The following MARK1 variants were observed in gnomAD, a reference collection of about 807,000 sequenced individuals.
MARK1 encodes microtubule affinity regulating kinase 1, also known as serine/threonine-protein kinase MARK1.
Under a neutral mutation model 96.3 loss-of-function variants are expected in MARK1, and 40 were observed. The ratio of observed to expected loss-of-function variants is 0.42; its 90% CI spans 0.32 to 0.54. The LOEUF is 0.54. Ranked by LOEUF, MARK1 falls within the 20% of genes least tolerant of loss-of-function variation. MARK1 has a pLI of 0.16. For synonymous variants in MARK1, 317 were observed against 341.2 expected, an observed-to-expected ratio of 0.93 and a Z score of 0.78; for missense variants, 719 against 984.6, an observed-to-expected ratio of 0.73 and a Z score of 3.61.
chr1:220,546,826 G>C (rs1334997106), intron 1 of MARK1, among the ~76,000 whole-genome samples: 1 of 152,068 alleles, frequency 6.6e-6, no homozygotes, highest in East Asian at 1.9e-4. Flanking sequence ...CAAAAAATTA[G>C]CTGGGCATGG....
chr1:220,593,603 C>T (rs948023190), intron 3 of MARK1, among the ~76,000 whole-genome samples: 6 of 152,176 alleles, frequency 3.9e-5, no homozygotes, highest in African/African-American at 1.4e-4. Flanking sequence ...AGCCCCACCC[C>T]TACTGTCAGC....
At chr1:220,550,358 C>T (rs1304486034) in intron 1 of MARK1, among the ~76,000 whole-genome samples, 1 of 151,330 alleles carries the variant, frequency 6.6e-6, no homozygotes, top group African/African-American at 2.4e-5. Context: ...AGGAGAAGCT[C>T]TTTTTTTTTC....
chr1:220,649,866 A>G (rs1393302216), intron 13 of MARK1, among the ~76,000 whole-genome samples: 1 of 152,234 alleles, frequency 6.6e-6, no homozygotes, highest in East Asian at 1.9e-4. Flanking sequence ...TATTATATCC[A>G]CATTGAAAAT....
At chr1:220,635,310 AGT>A (rs892830237) in intron 11 of MARK1, 64 bp from the exon 12 acceptor site, 30 of 1,396,616 alleles carry the variant, frequency 2.1e-5, no homozygotes, top group Non-Finnish European at 2.7e-5. Context: ...TCAAGAGTGC[AGT>A]GTTTGTGCAA....
At chr1:220,639,918 A>G (rs532815495) in intron 13 of MARK1, among the ~76,000 whole-genome samples, 7 of 152,342 alleles carry the variant, frequency 4.6e-5, no homozygotes, top group Non-Finnish European at 1.0e-4. Flanking sequence ...AAAAGAAAAA[A>G]AAAGTTTCCA....
chr1:220,561,282 C>T (rs890623299), intron 1 of MARK1, among the ~76,000 whole-genome samples: 2 of 152,282 alleles, frequency 1.3e-5, no homozygotes, highest in African/African-American at 4.8e-5. Flanking sequence ...CAACCTGCAG[C>T]CCCTGGGCTG....
chr1:220,629,174 T>C (rs1037332128), intron 9 of MARK1, among the ~76,000 whole-genome samples: 2 of 152,174 alleles, frequency 1.3e-5, no homozygotes, highest in African/African-American at 4.8e-5. Context: ...AGATGGAGAA[T>C]GTACTTTACA....
At position 220,635,834 on chromosome 1, in the gene MARK1, T is replaced by G; in HGVS notation, c.1278T>G (p.Ala426=). 1 of 1,569,798 alleles carries G rather than the reference T, an allele frequency of 6.4e-7. No individual in the cohort carries two copies. The highest frequency in any genetic ancestry group is 2.3e-5 in the East Asian group (1 of 44,170). ...ATGCTATTTTTAAAAAAATTATAGC[T>G]GGTCCATCCATTCCTCCTGCTGTAT... is the stretch of plus-strand genomic sequence containing the variant. ...NQKQRRFSDH[A]GPSIPPAVSY... is the part of the protein sequence containing the mutation. Residue 426 remains alanine, a splice_region_variant and synonymous_variant, in exon 13 of 18, where the codon GCT becomes GCG. Transcript: ENST00000366917.
intron 7 of MARK1, among the ~76,000 whole-genome samples, chr1:220,617,706 A>T (rs962254695): frequency 1.3e-5 from 2 of 152,222 alleles, no homozygotes; most frequent in Non-Finnish European, 2.9e-5. Context: ...GTTTTAGAAC[A>T]GCAAAAAGAA....
intron 13 of MARK1, among the ~76,000 whole-genome samples, chr1:220,639,728 G>A (rs1465282841): frequency 6.6e-6 from 1 of 152,096 alleles, no homozygotes; most frequent in East Asian, 1.9e-4. Context: ...CCTCAGCTCT[G>A]ATGTGTCTTA....
intron 1 of MARK1, among the ~76,000 whole-genome samples, chr1:220,553,250 T>G (rs79549364): frequency 1.1e-3 from 170 of 152,286 alleles, no homozygotes; most frequent in African/African-American, 4.0e-3. Flanking sequence ...TACTACATAC[T>G]CTCTCTCTTT....
intron 1 of MARK1, among the ~76,000 whole-genome samples, chr1:220,534,460 G>T (rs1660544028): frequency 1.3e-5 from 2 of 151,794 alleles, no homozygotes; most frequent in South Asian, 4.2e-4. Flanking sequence ...ACCCTTTCTA[G>T]CCTTTGTTAA....
chr1:220,593,120 A>T (rs1024341500), intron 3 of MARK1, among the ~76,000 whole-genome samples: 2 of 152,182 alleles, frequency 1.3e-5, no homozygotes, highest in Admixed American at 1.3e-4. Flanking sequence ...AAACATAATA[A>T]TGCTACTTAT....
chr1:220,645,012 A>G (rs1668501909), intron 13 of MARK1, among the ~76,000 whole-genome samples: 1 of 152,160 alleles, frequency 6.6e-6, no homozygotes, highest in South Asian at 2.1e-4. Context: ...TCAAAACTAA[A>G]AGAACTAGAG....
Position 220,632,183 on chromosome 1 carries a change from T to C in MARK1, c.1010-18T>C, listed in dbSNP as rs1385037493. The C allele has an allele frequency of 8.0e-7, 1 of 1,252,714 alleles. No homozygotes were observed. Among genetic ancestry groups the C allele is most frequent in the Non-Finnish European group, 1.1e-6 (1 of 929,340 alleles). The allele number at this position is 1,252,714 out of a possible 1,614,324, so 77.6% of individuals were successfully genotyped here. On this transcript the variant is annotated intron_variant, in intron 10 of 17. Coordinates refer to ENST00000366917, the MANE Select transcript of MARK1 (RefSeq NM_018650.5). ...AATAAAACCATTTTCAGAAAATTTC[T>C]CTTTTTTAAATTTCTAGACATTATG...
intron 1 of MARK1, among the ~76,000 whole-genome samples, chr1:220,548,402 C>T (rs1041820250): frequency 1.3e-5 from 2 of 152,166 alleles, no homozygotes; most frequent in Non-Finnish European, 2.9e-5. Flanking sequence ...AGAATAAGCT[C>T]TGACTACTAT....
At chr1:220,601,673 A>G (rs1181794304) in intron 5 of MARK1, among the ~76,000 whole-genome samples, 1 of 152,140 alleles carries the variant, frequency 6.6e-6, no homozygotes, top group African/African-American at 2.4e-5. Context: ...TTCTGTAGAC[A>G]CCCTTCTCTT....
At chr1:220,647,995 C>T (rs1668675019) in intron 13 of MARK1, among the ~76,000 whole-genome samples, 1 of 151,118 alleles carries the variant, frequency 6.6e-6, no homozygotes, top group African/African-American at 2.4e-5. Context: ...CACCATGGCA[C>T]ACATTTACCT....
chr1:220,576,590 C>T (rs189180363), intron 1 of MARK1: 1 of 152,236 alleles, frequency 6.6e-6, no homozygotes, highest in East Asian at 1.9e-4. Context: ...CTACAACCAG[C>T]ATTAGGAGCT....
Sources: allele counts gnomAD v4.1 joint callset (sites outside exome capture counted in the v4.1 genomes callset), GRCh38; gene constraint gnomAD v4.1.1; transcripts MANE v1.5; gene names NCBI Gene and HGNC (gene_info 2026-07-23, HGNC 2026-07-21).